The following MECOM variants were observed in gnomAD, a reference collection of about 807,000 sequenced individuals.
MECOM encodes the protein MDS1 and EVI1 complex locus.
In MECOM, 13 loss-of-function variants were observed where a neutral mutation model predicts 116.3. That is an observed-to-expected ratio of 0.11 (90% CI 0.07 to 0.18). The LOEUF (loss-of-function observed/expected upper bound fraction) is 0.18, where lower values mean the gene tolerates loss of function less well. Among genes scored for constraint, MECOM ranks in the 10% least tolerant of loss-of-function variants. The probability of loss-of-function intolerance (pLI) is 1.00; values close to 1 mark genes in which losing one functional copy is unlikely to be tolerated. For synonymous variants in MECOM, 528 were observed against 535.2 expected (o/e 0.99, Z 0.19); for missense variants, 1,299 against 1,509.0 (o/e 0.86, Z 2.31).
intron 2 of MECOM, among the ~76,000 whole-genome samples, chr3:169,349,662 C>T (rs976772304): frequency 1.3e-5 from 2 of 151,950 alleles, no homozygotes; most frequent in African/African-American, 4.8e-5. Context: ...TATTTCCCGT[C>T]TATGCTTTCT....
At chr3:169,144,199 G>A (rs928974167) in intron 2 of MECOM, among the ~76,000 whole-genome samples, 4 of 151,778 alleles carry the variant, frequency 2.6e-5, no homozygotes, top group African/African-American at 4.8e-5. Flanking sequence ...TTTCATATTC[G>A]TATAGTCTCA....
intron 1 of MECOM, among the ~76,000 whole-genome samples, chr3:169,560,524 T>G (rs1381014238): frequency 1.3e-5 from 2 of 152,124 alleles, no homozygotes; most frequent in East Asian, 3.8e-4. Context: ...GTGAACTTAA[T>G]CTAAGAAAAT....
chr3:169,294,116 A>T (rs1715125850), intron 2 of MECOM, among the ~76,000 whole-genome samples: 1 of 152,154 alleles, frequency 6.6e-6, no homozygotes, highest in Non-Finnish European at 1.5e-5. Flanking sequence ...GTTTATCATT[A>T]ACTATTTATG....
intron 1 of MECOM, among the ~76,000 whole-genome samples, chr3:169,426,545 T>C (rs958936712): frequency 6.6e-6 from 1 of 152,200 alleles, no homozygotes; most frequent in South Asian, 2.1e-4. Flanking sequence ...TCCATCCTTC[T>C]CAGTTCACTC....
chr3:169,475,300 T>C (rs1027383916), intron 1 of MECOM, among the ~76,000 whole-genome samples: 1 of 152,152 alleles, frequency 6.6e-6, no homozygotes, highest in Non-Finnish European at 1.5e-5. Flanking sequence ...ACCATTTTAG[T>C]TCTAACCCTG....
intron 1 of MECOM, among the ~76,000 whole-genome samples, chr3:169,495,978 C>T (rs1450496240): frequency 2.6e-5 from 4 of 152,154 alleles, no homozygotes; most frequent in South Asian, 2.1e-4. Flanking sequence ...GTAAGCATAA[C>T]GACCCTACCA....
chr3:169,577,364 T>C (rs968140547), intron 1 of MECOM, among the ~76,000 whole-genome samples: 2 of 152,184 alleles, frequency 1.3e-5, no homozygotes, highest in Non-Finnish European at 2.9e-5. Flanking sequence ...CAAGCTGCTT[T>C]ATAATTAATA....
chr3:169,279,322 T>A (rs1461385236), intron 2 of MECOM, among the ~76,000 whole-genome samples: 1 of 152,202 alleles, frequency 6.6e-6, no homozygotes, highest in Non-Finnish European at 1.5e-5. Context: ...TCTGGAACAT[T>A]GGAATTAGCT....
chr3:169,480,614 T>C (rs147028597), intron 1 of MECOM, among the ~76,000 whole-genome samples: 1 of 152,274 alleles, frequency 6.6e-6, no homozygotes, highest in Non-Finnish European at 1.5e-5. Context: ...AAGTATAGGA[T>C]CCTTTAGTGT....
chr3:169,645,381 A>G (rs975041625), intron 1 of MECOM, among the ~76,000 whole-genome samples: 1 of 152,116 alleles, frequency 6.6e-6, no homozygotes, highest in Non-Finnish European at 1.5e-5. Context: ...AGAAACATTT[A>G]TGTCTGGAAT....
rs1769242778 is a variant in MECOM, at chr3:169,611,306, C to T, written c.37+52030G>A. Among the ~76,000 whole-genome samples the T allele has an allele frequency of 6.6e-6, 1 of 152,222 alleles. No individual in the cohort carries two copies. Among genetic ancestry groups the T allele is most frequent in the Non-Finnish European group, 1.5e-5 (1 of 68,038 alleles). ...ATGCAATTTGTACATTATGCCGAATCATAATACAGGCCTTGTACTTCTGCC... is the reference window on the plus strand; with the variant it reads ...ATGCAATTTGTACATTATGCCGAATTATAATACAGGCCTTGTACTTCTGCC... On this transcript the variant is annotated intron_variant, in intron 1 of 16. Transcript: ENST00000651503. The surrounding 1 kb of genome is among the most constrained non-coding windows in gnomAD (Gnocchi z 4.1).
chr3:169,462,631 T>C (rs958919440), intron 1 of MECOM, among the ~76,000 whole-genome samples: 3 of 152,224 alleles, frequency 2.0e-5, no homozygotes, highest in African/African-American at 7.2e-5. Flanking sequence ...CTGTTAAATT[T>C]ACTTATCTGT....
At chr3:169,149,561 C>A in intron 2 of MECOM, 1 of 313,222 alleles carries the variant, frequency 3.2e-6, no homozygotes, top group South Asian at 2.5e-5. Flanking sequence ...CCTCTGCCCG[C>A]CAGGCGCCGG....
chr3:169,302,022 CT>C (rs1716809638), intron 2 of MECOM, among the ~76,000 whole-genome samples: 1 of 152,128 alleles, frequency 6.6e-6, no homozygotes, highest in Non-Finnish European at 1.5e-5. Context: ...GAATATATGC[CT>C]CCTAAATGTC....
chr3:169,518,177 C>CAT (rs1560383327), intron 1 of MECOM, among the ~76,000 whole-genome samples: 6 of 151,598 alleles, frequency 4.0e-5, no homozygotes, highest in Non-Finnish European at 8.8e-5. Flanking sequence ...GAGAATGGTG[C>CAT]GAACCCGGGA....
intron 1 of MECOM, among the ~76,000 whole-genome samples, chr3:169,546,723 G>A (rs1760768974): frequency 2.0e-5 from 3 of 151,398 alleles, no homozygotes; most frequent in African/African-American, 7.2e-5. Flanking sequence ...AAGAAAGAAA[G>A]AAAGAGAAAG....
intron 2 of MECOM, among the ~76,000 whole-genome samples, chr3:169,249,200 G>T (rs1046956554): frequency 5.9e-5 from 9 of 152,298 alleles, no homozygotes; most frequent in Non-Finnish European, 1.3e-4. Context: ...ATGAATGAAT[G>T]AACCAATAAA....
At chr3:169,557,912 T>A (rs1762218139) in intron 1 of MECOM, among the ~76,000 whole-genome samples, 1 of 152,356 alleles carries the variant, frequency 6.6e-6, no homozygotes, top group South Asian at 2.1e-4. Flanking sequence ...ATTAGCCAAA[T>A]GTAATAACAA....
intron 2 of MECOM, among the ~76,000 whole-genome samples, chr3:169,217,515 T>G (rs1393203067): frequency 6.6e-6 from 1 of 152,160 alleles, no homozygotes; most frequent in Non-Finnish European, 1.5e-5. Context: ...CCGAGCACGG[T>G]GGCTCACACC....
Sources: gnomAD v4.1 joint callset for allele counts (sites outside exome capture counted in the v4.1 genomes callset) on GRCh38, gnomAD v4.1.1 for gene constraint, Gnocchi (gnomAD v3.1) non-coding constraint, MANE v1.5 for transcripts, NCBI Gene and HGNC (gene_info 2026-07-23, HGNC 2026-07-21) for gene names.